Variants in SHISA6 observed in about 807,000 individuals in gnomAD.
The protein encoded by SHISA6 is shisa family member 6.
SHISA6 carries 22 observed loss-of-function variants against 47.9 expected under a neutral mutation model. The ratio of observed to expected loss-of-function variants is 0.46; its 90% CI spans 0.33 to 0.66. SHISA6 has a LOEUF of 0.66. SHISA6 is among the 30% of genes least tolerant of loss of function. SHISA6 has a pLI of 0.02. For synonymous variants in SHISA6, 388 were observed against 337.8 expected (o/e 1.15, Z -1.63); for missense variants, 680 against 764.6 (o/e 0.89, Z 1.30).
intron 1 of SHISA6, among the ~76,000 whole-genome samples, chr17:11,246,791 A>G (rs1169702084): frequency 6.6e-6 from 1 of 152,182 alleles, no homozygotes; most frequent in Admixed American, 6.5e-5. Context: ...GTTTCATACT[A>G]CACCATATAA....
At chr17:11,392,983 G>T (rs1913437266) in intron 3 of SHISA6, among the ~76,000 whole-genome samples, 1 of 152,194 alleles carries the variant, frequency 6.6e-6, no homozygotes, top group South Asian at 2.1e-4. Context: ...CCCCCTTTTT[G>T]TGCGAATTGA....
At chr17:11,479,102 A>G (rs1006848021) in intron 3 of SHISA6, among the ~76,000 whole-genome samples, 3 of 152,002 alleles carry the variant, frequency 2.0e-5, no homozygotes, top group African/African-American at 7.3e-5. Context: ...GTTGCCCTAG[A>G]GTTTGCAATA....
chr17:11,556,597 A>C (rs1000266860), intron 5 of SHISA6, among the ~76,000 whole-genome samples: 2 of 152,046 alleles, frequency 1.3e-5, no homozygotes, highest in Non-Finnish European at 2.9e-5. Context: ...AGGGCTGAGC[A>C]TTTGCTTGAA....
rs139275211 is a variant in SHISA6, at chr17:11,339,512, T to C, written c.800-39902T>C. Among the ~76,000 whole-genome samples the C allele has an allele frequency of 2.5e-3, 375 of 152,328 alleles. 1 individual carries two copies. Among genetic ancestry groups the C allele is most frequent in the African/African-American group, 8.1e-3 (337 of 41,572 alleles). On this transcript the variant is annotated intron_variant, in intron 2 of 5. Transcript: ENST00000441885. Reference sequence around the variant, plus strand: ...CATATAGAATAACAAGAAATCGTTTTTTGAGGGATAACTGTGGAAATTAGC... The same window carrying C: ...CATATAGAATAACAAGAAATCGTTTCTTGAGGGATAACTGTGGAAATTAGC...
chr17:11,510,161 C>T (rs771178738), intron 3 of SHISA6, among the ~76,000 whole-genome samples: 1 of 152,004 alleles, frequency 6.6e-6, no homozygotes, highest in Non-Finnish European at 1.5e-5. Flanking sequence ...CTATATTACT[C>T]ACTGACCCCT....
intron 2 of SHISA6, among the ~76,000 whole-genome samples, chr17:11,266,267 T>C (rs779753454): frequency 6.6e-6 from 1 of 152,160 alleles, no homozygotes; most frequent in Non-Finnish European, 1.5e-5. Flanking sequence ...AAGGGAGATA[T>C]CCAGCAACAC....
chr17:11,552,142 T>C (rs1178658283), intron 4 of SHISA6, among the ~76,000 whole-genome samples, 190 bp downstream of exon 4: 1 of 152,212 alleles, frequency 6.6e-6, no homozygotes, highest in Non-Finnish European at 1.5e-5. Context: ...TATTTTCCCC[T>C]TGGTGTTTCT....
At position 11,557,928 on chromosome 17, in the gene SHISA6, G is replaced by C. The variant is rs1368022526; in HGVS notation, c.1280G>C (p.Arg427Pro). Reference sequence around the variant, plus strand: ...CAGGACAGGGTCCTGTCCCCGGATCGGGGCCTGCCAGATGAGTTCAGCATG... The same window carrying C: ...CAGGACAGGGTCCTGTCCCCGGATCCGGGCCTGCCAGATGAGTTCAGCATG... ...MSQDRVLSPD[R>P]GLPDEFSMPY... The change falls in exon 6 of 6, where the codon CGG (arginine) becomes CCG (proline). Residue 427 changes from arginine (R) to proline (P), a missense_variant. Physicochemically the swap from Arg to Pro is moderately radical, Grantham distance 103. Around this residue, in one of 2 missense-constraint regions of SHISA6, gnomAD observed 559 missense variants for 674.1 expected, o/e 0.83. Transcript: ENST00000441885. The C allele has an allele frequency of 1.3e-6, 2 of 1,551,572 alleles. No homozygotes were observed. The highest frequency in any genetic ancestry group is 1.7e-6 in the Non-Finnish European group (2 of 1,146,968).
At chr17:11,468,542 C>G (rs1352083983) in intron 3 of SHISA6, among the ~76,000 whole-genome samples, 1 of 152,142 alleles carries the variant, frequency 6.6e-6, no homozygotes, top group South Asian at 2.1e-4. Flanking sequence ...GGCTCTGGTA[C>G]CTGGGGATTA....
chr17:11,363,978 CAG>C (rs1481225338), intron 2 of SHISA6, among the ~76,000 whole-genome samples: 1 of 152,192 alleles, frequency 6.6e-6, no homozygotes, highest in Non-Finnish European at 1.5e-5. Context: ...GGAGCAGTCA[CAG>C]AGCTGGAGCA....
intron 2 of SHISA6, among the ~76,000 whole-genome samples, chr17:11,281,907 A>G (rs188997043): frequency 1.3e-5 from 2 of 152,372 alleles, no homozygotes; most frequent in African/African-American, 4.8e-5. Flanking sequence ...TATAACTCAC[A>G]CAAAGCAAGA....
chr17:11,562,276 C>A lies in SHISA6; in HGVS notation c.*3972C>A, dbSNP rs2072051512. On this transcript the variant is annotated 3_prime_UTR_variant, in exon 6 of 6. Coordinates refer to ENST00000441885, the MANE Select transcript of SHISA6 (RefSeq NM_207386.4). ...CCAGCCTCCAACTTCATATTCCTTC[C>A]ACAGGCAACTGTGCACTTGACCCAA... The A allele has an allele frequency of 6.6e-6, 1 of 152,028 alleles. No individual in the cohort carries two copies. The highest frequency in any genetic ancestry group is 1.5e-5 in the Non-Finnish European group (1 of 68,034). The allele number at this position is 152,028 out of a possible 1,614,324, so 9.4% of individuals were successfully genotyped here.
At chr17:11,477,182 G>A (rs562282048) in intron 3 of SHISA6, among the ~76,000 whole-genome samples, 1 of 152,166 alleles carries the variant, frequency 6.6e-6, no homozygotes, top group Admixed American at 6.5e-5. Context: ...CTTATAGTCA[G>A]CATAATTAGG....
At chr17:11,464,822 A>C (rs1319162695) in intron 3 of SHISA6, among the ~76,000 whole-genome samples, 1 of 151,922 alleles carries the variant, frequency 6.6e-6, no homozygotes, top group Admixed American at 6.6e-5. Context: ...GGTGCCTGTA[A>C]TCTCAGCTAC....
chr17:11,369,030 AT>A (rs1276793375), intron 2 of SHISA6, among the ~76,000 whole-genome samples: 3 of 152,200 alleles, frequency 2.0e-5, no homozygotes, highest in African/African-American at 7.2e-5. Flanking sequence ...GATGAAGATA[AT>A]TTAGAAAGCA....
chr17:11,254,386 A>G (rs1907931896), intron 1 of SHISA6, among the ~76,000 whole-genome samples: 1 of 152,216 alleles, frequency 6.6e-6, no homozygotes, highest in Non-Finnish European at 1.5e-5. Flanking sequence ...CTATACTTAC[A>G]GGTTCAACAG....
intron 2 of SHISA6, among the ~76,000 whole-genome samples, chr17:11,357,206 AAAT>A (rs1912107786): frequency 6.6e-6 from 1 of 151,170 alleles, no homozygotes; most frequent in Non-Finnish European, 1.5e-5. Context: ...AAAAAAAAAA[AAAT>A]GAAGAAGAAG....
At chr17:11,277,316 A>ACC (rs1908958293) in intron 2 of SHISA6, among the ~76,000 whole-genome samples, 2 of 139,440 alleles carry the variant, frequency 1.4e-5, no homozygotes, top group African/African-American at 2.8e-5. Flanking sequence ...ACACACACAC[A>ACC]CACCCCGCAT....
chr17:11,290,931 G>A (rs1283584537), intron 2 of SHISA6: 6 of 151,718 alleles, frequency 4.0e-5, no homozygotes, highest in Admixed American at 1.3e-4. Flanking sequence ...ATGCTGTAGC[G>A]CTGGTGATGC....
Sources: gnomAD v4.1 joint callset for allele counts (sites outside exome capture counted in the v4.1 genomes callset) on GRCh38, gnomAD v4.1.1 for gene constraint, gnomAD v4.1.1 regional missense constraint, MANE v1.5 for transcripts, NCBI Gene and HGNC (gene_info 2026-07-23, HGNC 2026-07-21) for gene names.